XYLT1: variants seen among roughly 807,000 people sequenced by gnomAD.
XYLT1 encodes the protein beta-D-xylosyltransferase 1.
Under a neutral mutation model 91.3 loss-of-function variants are expected in XYLT1, and 36 were observed. The ratio of observed to expected loss-of-function variants is 0.39; its 90% confidence interval spans 0.30 to 0.52. The LOEUF (loss-of-function observed/expected upper bound fraction) is 0.52, where lower values mean the gene tolerates loss of function less well. XYLT1 is among the 20% of genes least tolerant of loss of function. XYLT1 has a pLI of 0.68. For missense variants in XYLT1, 1,242 were observed against 1,284.5 expected (o/e 0.97, Z 0.51); for synonymous variants, 588 against 532.0 (o/e 1.11, Z -1.45).
At chr16:17,421,867 T>C (rs1199518561) in intron 1 of XYLT1, among the ~76,000 whole-genome samples, 1 of 152,146 alleles carries the variant, frequency 6.6e-6, no homozygotes, top group East Asian at 1.9e-4. Context: ...AGACCGAGTC[T>C]CACTCAATCA....
intron 2 of XYLT1, among the ~76,000 whole-genome samples, chr16:17,262,810 G>A (rs7205057): frequency 0.021 from 3,229 of 152,178 alleles, 109 homozygotes; most frequent in African/African-American, 0.073. Context: ...CTGCTGCTTT[G>A]AGTCACTGAG....
intron 2 of XYLT1, among the ~76,000 whole-genome samples, chr16:17,347,937 C>T (rs1289411775): frequency 6.6e-6 from 1 of 152,124 alleles, no homozygotes; most frequent in Non-Finnish European, 1.5e-5. Flanking sequence ...GCTGCAGCCA[C>T]GGGAGAGGGC....
chr16:17,436,562 C>T (rs1032700066), intron 1 of XYLT1, among the ~76,000 whole-genome samples: 2 of 152,214 alleles, frequency 1.3e-5, no homozygotes, highest in Non-Finnish European at 2.9e-5. Context: ...CAATCACATT[C>T]AGCTTTTAAG....
chr16:17,414,641 A>T (rs115999177), intron 1 of XYLT1, among the ~76,000 whole-genome samples: 1,764 of 152,238 alleles, frequency 0.012, 46 homozygotes, highest in African/African-American at 0.041. Flanking sequence ...ATGAGAAATG[A>T]GCAAAAGGGC....
At chr16:17,347,697 C>T (rs1191887284) in intron 2 of XYLT1, among the ~76,000 whole-genome samples, 3 of 152,240 alleles carry the variant, frequency 2.0e-5, no homozygotes, top group Non-Finnish European at 4.4e-5. Flanking sequence ...ACAGTGACTC[C>T]CCATGGCAAG....
At chr16:17,296,191 G>A (rs1183967102) in intron 2 of XYLT1, among the ~76,000 whole-genome samples, 1 of 152,066 alleles carries the variant, frequency 6.6e-6, no homozygotes, top group Non-Finnish European at 1.5e-5. Context: ...GTAACATGGA[G>A]GTGGCTAGGG....
At chr16:17,423,337 T>C (rs533800023) in intron 1 of XYLT1, among the ~76,000 whole-genome samples, 1 of 152,252 alleles carries the variant, frequency 6.6e-6, no homozygotes, top group African/African-American at 2.4e-5. Flanking sequence ...TCACTGCCAC[T>C]CCTCAGGGGC....
At chr16:17,307,734 G>C (rs2034488663) in intron 2 of XYLT1, among the ~76,000 whole-genome samples, 1 of 152,162 alleles carries the variant, frequency 6.6e-6, no homozygotes, top group African/African-American at 2.4e-5. Flanking sequence ...ATCGGGGCTT[G>C]GAATGCTTCC....
At chr16:17,361,733 C>T (rs1323923708) in intron 1 of XYLT1, among the ~76,000 whole-genome samples, 1 of 152,284 alleles carries the variant, frequency 6.6e-6, no homozygotes, top group Non-Finnish European at 1.5e-5. Flanking sequence ...GATACCAACA[C>T]AACATGACAG....
chr16:17,313,079 C>T (rs1033874534), intron 2 of XYLT1, among the ~76,000 whole-genome samples: 3 of 152,216 alleles, frequency 2.0e-5, no homozygotes, highest in African/African-American at 2.4e-5. Flanking sequence ...GTCTCTATCC[C>T]AGCTCAAAGG....
chr16:17,463,736 T>A (rs1419840226), intron 1 of XYLT1, among the ~76,000 whole-genome samples: 2 of 152,234 alleles, frequency 1.3e-5, no homozygotes, highest in African/African-American at 4.8e-5. Context: ...CAGGAAAGGA[T>A]TAATTATCCA....
At chr16:17,294,105 G>A (rs1373313294) in intron 2 of XYLT1, among the ~76,000 whole-genome samples, 1 of 152,068 alleles carries the variant, frequency 6.6e-6, no homozygotes, top group Non-Finnish European at 1.5e-5. Flanking sequence ...TGAGAATGCA[G>A]GAGCAGTTAC....
chr16:17,285,648 C>T (rs927367793), intron 2 of XYLT1, among the ~76,000 whole-genome samples: 1 of 152,318 alleles, frequency 6.6e-6, no homozygotes, highest in African/African-American at 2.4e-5. Context: ...AGGCCCTTCA[C>T]CCCTCACCCT....
Position 17,371,503 on chromosome 16 carries a change from C to A in XYLT1, c.364-13453G>T, listed in dbSNP as rs111241706. On this transcript the variant is annotated intron_variant, in intron 1 of 11. Transcript: ENST00000261381. ...GTATAAATGACACAGCAGAAGGAGA[C>A]AAGCTCAACCTACTGATTGGCTAAT... Among the ~76,000 whole-genome samples the A allele has an allele frequency of 3.2e-3, 480 of 152,316 alleles. 1 individual carries two copies. Among genetic ancestry groups the A allele is most frequent in the African/African-American group, 0.011 (441 of 41,552 alleles).
intron 2 of XYLT1, among the ~76,000 whole-genome samples, chr16:17,343,002 C>T (rs974133185): frequency 1.3e-5 from 2 of 152,124 alleles, no homozygotes; most frequent in African/African-American, 4.8e-5. Flanking sequence ...TTTGAAAAAA[C>T]ATGTTTCCAG....
intron 2 of XYLT1, among the ~76,000 whole-genome samples, chr16:17,267,357 G>C (rs1421961508): frequency 2.0e-5 from 3 of 152,244 alleles, no homozygotes; most frequent in African/African-American, 4.8e-5. Context: ...TCAAGTGGCA[G>C]CAGGATGATA....
At chr16:17,147,059 T>C (rs891152797) in intron 6 of XYLT1, among the ~76,000 whole-genome samples, 1 of 152,066 alleles carries the variant, frequency 6.6e-6, no homozygotes, top group Non-Finnish European at 1.5e-5. Flanking sequence ...CCTATAGGGG[T>C]CAGACAGACA....
chr16:17,138,018 G>GATGAAAAGGGAA (rs1379265392), intron 8 of XYLT1, among the ~76,000 whole-genome samples: 1 of 142,340 alleles, frequency 7.0e-6, no homozygotes, highest in Non-Finnish European at 1.5e-5. Context: ...GGGAGATTCT[G>GATGAAAAGGGAA]ATGAAAAGGG....
At chr16:17,232,567 T>C (rs1044160999) in intron 3 of XYLT1, among the ~76,000 whole-genome samples, 2 of 151,514 alleles carry the variant, frequency 1.3e-5, no homozygotes, top group African/African-American at 4.9e-5. Context: ...TTGATGATGA[T>C]GAAGATGGCG....
Sources: gnomAD v4.1 joint callset for allele counts (sites outside exome capture counted in the v4.1 genomes callset) on GRCh38, gnomAD v4.1.1 for gene constraint, MANE v1.5 for transcripts, NCBI Gene and HGNC (gene_info 2026-07-23, HGNC 2026-07-21) for gene names.